HIRA: variants seen among roughly 807,000 people sequenced by gnomAD.
The protein encoded by HIRA is protein HIRA.
Under a neutral mutation model 126.6 loss-of-function variants are expected in HIRA, and 13 were observed. The ratio of observed to expected loss-of-function variants is 0.10; its 90% confidence interval spans 0.07 to 0.16. The LOEUF is 0.16. Among genes scored for constraint, HIRA ranks in the 10% least tolerant of loss-of-function variants. The probability of loss-of-function intolerance (pLI) is 1.00; values close to 1 mark genes in which losing one functional copy is unlikely to be tolerated. For missense variants in HIRA, 834 were observed against 1,314.4 expected, an observed-to-expected ratio of 0.63 and a Z score of 5.65; for synonymous variants, 511 against 520.0, an observed-to-expected ratio of 0.98 and a Z score of 0.24.
At chr22:19,388,825 C>T (rs1601837776) in intron 9 of HIRA, among the ~76,000 whole-genome samples, 1 of 152,182 alleles carries the variant, frequency 6.6e-6, no homozygotes, top group East Asian at 1.9e-4. Flanking sequence ...TAACTAGCAA[C>T]AGAGAAGGCA....
intron 24 of HIRA, among the ~76,000 whole-genome samples, chr22:19,339,617 C>T: frequency 7.1e-6 from 1 of 140,222 alleles, no homozygotes; most frequent in Non-Finnish European, 1.5e-5. Flanking sequence ...GCCTGGGCGA[C>T]AGAGCGAGAC....
chr22:19,414,612 C>G (rs1277480311), intron 1 of HIRA, among the ~76,000 whole-genome samples: 2 of 152,208 alleles, frequency 1.3e-5, no homozygotes, highest in African/African-American at 4.8e-5. Flanking sequence ...CTCCTGGGAA[C>G]ACTTCCTGCA....
At chr22:19,335,316 C>T (rs916024260) in intron 24 of HIRA, among the ~76,000 whole-genome samples, 1 of 151,850 alleles carries the variant, frequency 6.6e-6, no homozygotes, top group African/African-American at 2.4e-5. Flanking sequence ...GTGATCTTGG[C>T]TCACTGCAAC....
At chr22:19,391,193 A>T (rs2089178073) in intron 9 of HIRA, among the ~76,000 whole-genome samples, 1 of 152,208 alleles carries the variant, frequency 6.6e-6, no homozygotes, top group African/African-American at 2.4e-5. Context: ...AAGTGCAGCA[A>T]CATACACGAA....
intron 18 of HIRA, 151 bp downstream of exon 18, chr22:19,359,185 C>A: frequency 1.4e-6 from 1 of 733,992 alleles, no homozygotes; most frequent in Non-Finnish European, 2.0e-6. Context: ...ATGACAAGCA[C>A]ATATGCTTGG....
chr22:19,376,162 C>A (rs1027071758), intron 14 of HIRA, among the ~76,000 whole-genome samples: 4 of 152,184 alleles, frequency 2.6e-5, no homozygotes, highest in African/African-American at 4.8e-5. Flanking sequence ...ACCTTTCCCA[C>A]TTTGACAATG....
At position 19,331,392 on chromosome 22, in the gene HIRA, CGA is replaced by C; in HGVS notation, c.*46_*47del. ...AGGCGGTCCTGCATGTCATCAGCGG[CGA>C]GAGTGTGGCCCTGCCCTTGCTGCAG... is the stretch of plus-strand genomic sequence containing the variant. On this transcript the variant is annotated 3_prime_UTR_variant, in exon 25 of 25. Coordinates refer to ENST00000263208, the MANE Select transcript of HIRA (RefSeq NM_003325.4). 6.2e-7 allele frequency: 1 copy of C among 1,611,636 alleles called. No homozygotes were observed. Among genetic ancestry groups the C allele is most frequent in the Non-Finnish European group, 8.5e-7 (1 of 1,179,712 alleles).
rs561713041 is a variant in HIRA, at chr22:19,357,568, G to T, written c.2235-517C>A. Among the ~76,000 whole-genome samples the T allele has an allele frequency of 1.2e-4, 18 of 152,348 alleles. 1 individual carries two copies. In the South Asian group the frequency reaches 3.5e-3, roughly 30 times the overall value. On this transcript the variant is annotated intron_variant, in intron 18 of 24. Transcript: ENST00000263208. Reference sequence around the variant, plus strand: ...CAAACAAGGAGTGCGTTACAGAACAGTCTGGACACTGTCCAGCTTCTCCCG... The same window carrying T: ...CAAACAAGGAGTGCGTTACAGAACATTCTGGACACTGTCCAGCTTCTCCCG...
rs539358236 is a variant in HIRA, at chr22:19,392,189, T to C, written c.848A>G (p.Lys283Arg). 4.4e-6 allele frequency: 7 copies of C among 1,607,900 alleles called. No individual in the cohort carries two copies. The Admixed American group carries it at 1.0e-4, about 23-fold the overall frequency. The change falls in exon 9 of 25, where the codon AAG (lysine) becomes AGG (arginine). Residue 283 changes from lysine (K) to arginine (R), a missense_variant. By Grantham distance (26) the Lys-to-Arg change is conservative. Transcript: ENST00000263208. The stretch of plus-strand genomic sequence containing the variant: ...CGCAGAACTCCCATTCTTCTGCTTC[T>C]TTTTGAAGATTTTTGGGTTGAATTT... ...VVKFNPKIFK[K>R]KQKNGSSAKP...
intron 1 of HIRA, among the ~76,000 whole-genome samples, chr22:19,424,881 T>G (rs2089477108): frequency 6.6e-6 from 1 of 152,216 alleles, no homozygotes; most frequent in South Asian, 2.1e-4. Flanking sequence ...ATTTAGCAAC[T>G]TAAAGAGACG....
chr22:19,355,192 C>G (rs899922531), intron 21 of HIRA, among the ~76,000 whole-genome samples: 2 of 152,038 alleles, frequency 1.3e-5, no homozygotes, highest in East Asian at 3.9e-4. Flanking sequence ...AAGGTATAGA[C>G]AGAAGAAAAG....
chr22:19,347,809 T>A (rs560579989), intron 24 of HIRA, among the ~76,000 whole-genome samples: 13 of 152,252 alleles, frequency 8.5e-5, no homozygotes, highest in African/African-American at 2.2e-4. Context: ...TGTAGTGGTG[T>A]GTGCCTGTAA....
intron 9 of HIRA, among the ~76,000 whole-genome samples, chr22:19,390,912 T>A (rs1433732720): frequency 6.6e-6 from 1 of 152,046 alleles, no homozygotes; most frequent in Non-Finnish European, 1.5e-5. Context: ...CAGCAATGTA[T>A]CAGTTCCAGC....
At position 19,373,179 on chromosome 22, in the gene HIRA, T is replaced by C. The variant is rs182805020; in HGVS notation, c.1775+2452A>G. ...CTCTTACATTTAGTTCTTTGTTCCCTTTTGAGTTAATTTTTGTTTATAGAA... is the reference window on the plus strand; with the variant it reads ...CTCTTACATTTAGTTCTTTGTTCCCCTTTGAGTTAATTTTTGTTTATAGAA... On this transcript the variant is annotated intron_variant, in intron 15 of 24. Coordinates refer to ENST00000263208, the MANE Select transcript of HIRA (RefSeq NM_003325.4). 1.5e-3 allele frequency among the ~76,000 whole-genome samples: 230 copies of C among 152,350 alleles called. 2 individuals are homozygous for C. Among genetic ancestry groups the C allele is most frequent in the African/African-American group, 5.4e-3 (223 of 41,588 alleles).
chr22:19,359,073 T>C (rs1180682803), intron 18 of HIRA, among the ~76,000 whole-genome samples: 2 of 152,180 alleles, frequency 1.3e-5, no homozygotes, highest in Non-Finnish European at 2.9e-5. Context: ...AATCAGGCCA[T>C]CAGGTTCAAA....
chr22:19,353,241 AG>A (rs1343905161), intron 23 of HIRA, 114 bp downstream of exon 23: 1 of 1,268,758 alleles, frequency 7.9e-7, no homozygotes, highest in African/African-American at 1.5e-5. Flanking sequence ...TCAGGCTGGG[AG>A]GTAGAGGCTG....
At chr22:19,375,430 C>T (rs917268562) in intron 15 of HIRA, among the ~76,000 whole-genome samples, 3 of 152,194 alleles carry the variant, frequency 2.0e-5, no homozygotes, top group African/African-American at 7.2e-5. Flanking sequence ...TGACTCCTTC[C>T]AGCCACCTTC....
chr22:19,377,308 A>G (rs1390222060), intron 14 of HIRA, among the ~76,000 whole-genome samples: 1 of 152,240 alleles, frequency 6.6e-6, no homozygotes, highest in Non-Finnish European at 1.5e-5. Flanking sequence ...AGCAGGGTGT[A>G]TAACCCAGAG....
At chr22:19,431,344 G>A (rs2089536871) in intron 1 of HIRA, 96 bp downstream of exon 1, 1 of 1,393,858 alleles carries the variant, frequency 7.2e-7, no homozygotes, top group African/African-American at 1.4e-5. Context: ...CCGGGCGTCA[G>A]GGGCGAGACA....
Sources: allele counts gnomAD v4.1 joint callset (sites outside exome capture counted in the v4.1 genomes callset), GRCh38; gene constraint gnomAD v4.1.1; transcripts MANE v1.5; gene names NCBI Gene and HGNC (gene_info 2026-07-23, HGNC 2026-07-21).